NAV3: variants seen among roughly 807,000 people sequenced by gnomAD.
The protein encoded by NAV3 is pore membrane and/or filament interacting like protein 1.
A neutral mutation model predicts 244.7 loss-of-function variants in NAV3; 87 were observed. The ratio of observed to expected loss-of-function variants is 0.36; its 90% CI spans 0.30 to 0.42. The LOEUF (loss-of-function observed/expected upper bound fraction) is 0.42. Ranked by LOEUF, NAV3 falls within the 20% of genes least tolerant of loss-of-function variation. The probability of loss-of-function intolerance (pLI) is 1.00; values close to 1 mark genes in which losing one functional copy is unlikely to be tolerated. For synonymous variants in NAV3, 1,126 were observed against 1,042.2 expected (o/e 1.08, Z -1.55); for missense variants, 2,663 against 2,893.3 (o/e 0.92, Z 1.83).
At chr12:77,888,719 A>G (rs1202279982) in intron 1 of NAV3, among the ~76,000 whole-genome samples, 1 of 152,148 alleles carries the variant, frequency 6.6e-6, no homozygotes, top group Non-Finnish European at 1.5e-5. Flanking sequence ...ATTAAGAATG[A>G]CCTGTATGTA....
chr12:77,780,451 G>T (rs1019264216), intron 2 of NAV3, among the ~76,000 whole-genome samples: 3 of 152,000 alleles, frequency 2.0e-5, no homozygotes, highest in African/African-American at 7.3e-5. Flanking sequence ...TTGCAATAAG[G>T]GTCAAGACTT....
At chr12:77,904,642 A>T (rs962316167) in intron 1 of NAV3, among the ~76,000 whole-genome samples, 1 of 151,942 alleles carries the variant, frequency 6.6e-6, no homozygotes, top group African/African-American at 2.4e-5. Context: ...TTAAAGTATA[A>T]TTTTTTAAAA....
chr12:77,879,042 C>T (rs531750751), intron 1 of NAV3, among the ~76,000 whole-genome samples: 40 of 152,192 alleles, frequency 2.6e-4, no homozygotes, highest in Non-Finnish European at 5.4e-4. Flanking sequence ...TTTACTGACC[C>T]TTGCAGAGGA....
At chr12:77,769,600 G>A (rs946991479) in intron 2 of NAV3, among the ~76,000 whole-genome samples, 5 of 152,162 alleles carry the variant, frequency 3.3e-5, no homozygotes, top group African/African-American at 1.2e-4. Context: ...TGTAACACAA[G>A]TTGTTACAGA....
chr12:78,015,502 T>TG (rs375934135), intron 8 of NAV3, among the ~76,000 whole-genome samples: 1 of 151,980 alleles, frequency 6.6e-6, no homozygotes, highest in Non-Finnish European at 1.5e-5. Context: ...GTATTTTTTT[T>TG]GTCAGGAATG....
chr12:77,824,241 A>ATTTTTTTT (rs61710960), intron 2 of NAV3, among the ~76,000 whole-genome samples: 574 of 104,758 alleles, frequency 5.5e-3, no homozygotes, highest in Non-Finnish European at 7.5e-3. Context: ...GCCCAACTAA[A>ATTTTTTTT]TTTTTTTTTT....
chr12:77,965,666 C>A (rs1391204284), intron 3 of NAV3, among the ~76,000 whole-genome samples: 2 of 152,022 alleles, frequency 1.3e-5, no homozygotes, highest in Non-Finnish European at 2.9e-5. Flanking sequence ...TGGGAATCAC[C>A]CTTTTAAAAT....
intron 2 of NAV3, among the ~76,000 whole-genome samples, chr12:77,645,537 A>T (rs1241257122): frequency 3.1e-5 from 3 of 95,996 alleles, no homozygotes; most frequent in East Asian, 4.5e-4. Flanking sequence ...CTCTCTCTCT[A>T]AAAAAAAAAA....
At chr12:78,188,986 T>A (rs1958851358) in intron 33 of NAV3, among the ~76,000 whole-genome samples, 1 of 151,806 alleles carries the variant, frequency 6.6e-6, no homozygotes. Context: ...ATTTAGTTCT[T>A]TGGGTTCTGG....
chr12:77,946,105 T>C (rs1890317301), intron 3 of NAV3, among the ~76,000 whole-genome samples: 1 of 8,328 alleles, frequency 1.2e-4, no homozygotes, highest in Non-Finnish European at 2.4e-4. Flanking sequence ...TATATATGTA[T>C]ATATATATAT....
chr12:77,924,798 T>G (rs1478819199), intron 1 of NAV3, among the ~76,000 whole-genome samples: 2 of 152,104 alleles, frequency 1.3e-5, no homozygotes, highest in Admixed American at 1.3e-4. Flanking sequence ...GAGAATATGT[T>G]TTTAAATGTA....
intron 2 of NAV3, among the ~76,000 whole-genome samples, chr12:77,732,976 G>A (rs1014791524): frequency 6.6e-6 from 1 of 152,082 alleles, no homozygotes; most frequent in East Asian, 1.9e-4. Context: ...TTCATGAAGA[G>A]CCTTGTCATA....
At chr12:78,107,991 A>G (rs1418706214) in intron 12 of NAV3, among the ~76,000 whole-genome samples, 1 of 152,172 alleles carries the variant, frequency 6.6e-6, no homozygotes, top group Non-Finnish European at 1.5e-5. Context: ...TAAATGAATT[A>G]CATTCTCCAC....
intron 1 of NAV3, among the ~76,000 whole-genome samples, chr12:77,861,308 A>G (rs1185276653): frequency 6.6e-6 from 1 of 151,760 alleles, no homozygotes; most frequent in Admixed American, 6.6e-5. Flanking sequence ...AAACTTGACC[A>G]GAAGTTTTGT....
intron 23 of NAV3, among the ~76,000 whole-genome samples, chr12:78,162,437 A>G (rs1163897012): frequency 2.0e-5 from 3 of 152,146 alleles, no homozygotes; most frequent in Non-Finnish European, 4.4e-5. Flanking sequence ...CCTATCTACT[A>G]GAACTCTAAA....
At chr12:77,828,545 C>T (rs933959589), upstream of NAV3, among the ~76,000 whole-genome samples, 1 of 151,628 alleles carries the variant, frequency 6.6e-6, no homozygotes, top group African/African-American at 2.4e-5. Flanking sequence ...TATCAGTGAC[C>T]GTAAGCTAAT....
intron 38 of NAV3, among the ~76,000 whole-genome samples, chr12:78,202,512 T>C (rs1959820946): frequency 6.6e-6 from 1 of 152,050 alleles, no homozygotes; most frequent in African/African-American, 2.4e-5. Context: ...TTATAGAACA[T>C]TATTTGGAGA....
At chr12:77,838,641 A>AAGCCAAG (rs1333531758) in intron 1 of NAV3, among the ~76,000 whole-genome samples, 2 of 152,192 alleles carry the variant, frequency 1.3e-5, no homozygotes, top group African/African-American at 2.4e-5. Context: ...TAGAAACATA[A>AAGCCAAG]AGCCAATAGA....
intron 1 of NAV3, among the ~76,000 whole-genome samples, chr12:77,914,463 G>T (rs1237605720): frequency 6.6e-6 from 1 of 152,074 alleles, no homozygotes; most frequent in Non-Finnish European, 1.5e-5. Context: ...TCCATGTCAT[G>T]AAATGGCAAG....
Sources: allele counts gnomAD v4.1 joint callset (sites outside exome capture counted in the v4.1 genomes callset), GRCh38; gene constraint gnomAD v4.1.1; transcripts MANE v1.5; gene names NCBI Gene and HGNC (gene_info 2026-07-23, HGNC 2026-07-21).